CELF3: variants seen among roughly 807,000 people sequenced by gnomAD.
CELF3 encodes the protein CUGBP Elav-like family member 3, also known as CAG repeat domain.
A neutral mutation model predicts 59.6 loss-of-function variants in CELF3; 26 were observed. The ratio of observed to expected loss-of-function variants is 0.44; its 90% CI spans 0.32 to 0.61. The LOEUF (loss-of-function observed/expected upper bound fraction) is 0.61, where lower values mean the gene tolerates loss of function less well. Among genes scored for constraint, CELF3 ranks in the 20% least tolerant of loss-of-function variants. The pLI is 0.06. For missense variants in CELF3, 387 were observed against 627.2 expected (o/e 0.62, Z 4.09); for synonymous variants, 245 against 250.7 (o/e 0.98, Z 0.22).
At chr1:151,704,206 A>C (rs559391053) in intron 12 of CELF3, among the ~76,000 whole-genome samples, 3 of 151,848 alleles carry the variant, frequency 2.0e-5, no homozygotes, top group Admixed American at 1.3e-4. Context: ...GGGGGCCCCC[A>C]GGGTTGGGGG....
chr1:151,707,679 G>GC (rs1558102343), intron 6 of CELF3, 31 bp from the exon 7 acceptor site: 1 of 1,598,082 alleles, frequency 6.3e-7, no homozygotes, highest in South Asian at 1.1e-5. Flanking sequence ...AGTGGGGCAG[G>GC]CCCCCTGTGC....
At chr1:151,706,550 C>G (rs1244688116) in intron 9 of CELF3, 119 bp downstream of exon 9, 6 of 1,275,182 alleles carry the variant, frequency 4.7e-6, no homozygotes, top group Non-Finnish European at 6.7e-6. Flanking sequence ...TTGGGCTTGT[C>G]AGTAAAGCCT....
intron 9 of CELF3, 74 bp downstream of exon 9, chr1:151,706,595 G>T: frequency 6.8e-7 from 1 of 1,461,710 alleles, no homozygotes; most frequent in African/African-American, 1.4e-5. Flanking sequence ...AAGAAGCCCA[G>T]ACCCAGTTAC....
intron 2 of CELF3, 42 bp downstream of exon 2, chr1:151,714,551 TG>T: frequency 6.9e-7 from 1 of 1,443,896 alleles, no homozygotes; most frequent in Non-Finnish European, 9.5e-7. Context: ...GCCACTTCTA[TG>T]GCCCTTCTCA....
rs1672192982 is a variant in CELF3, at chr1:151,702,985, G to A, written c.*474C>T. On this transcript the variant is annotated 3_prime_UTR_variant, in exon 13 of 13. Coordinates refer to ENST00000290583, the MANE Select transcript of CELF3 (RefSeq NM_007185.7). ...GGATATCCTACCTCTAGCTGAGGGTGGAGGGGAGTGAGAGCCAGCTTCCAA... is the reference window on the plus strand; with the variant it reads ...GGATATCCTACCTCTAGCTGAGGGTAGAGGGGAGTGAGAGCCAGCTTCCAA... 1 of 352,828 alleles carries A rather than the reference G, an allele frequency of 2.8e-6. No homozygotes were observed. Among genetic ancestry groups the A allele is most frequent in the African/African-American group, 2.1e-5 (1 of 46,674 alleles). 21.9% of individuals were successfully genotyped at this position (352,828 alleles called of 1,614,324 possible).
chr1:151,713,355 G>T (rs1237254230), intron 2 of CELF3: 3 of 152,252 alleles, frequency 2.0e-5, no homozygotes, highest in Admixed American at 2.0e-4. Context: ...GACACCTGCA[G>T]CTGGTACACA....
At position 151,715,915 on chromosome 1, in the gene CELF3, G is replaced by A. The variant is rs756330362; in HGVS notation, c.106C>T (p.Leu36=). ...IFEQFGRIFE[L]TVIKDKYTGL... is the part of the protein sequence containing the mutation. The stretch of plus-strand genomic sequence containing the variant: ...GTGTACTTGTCCTTGATGACAGTCA[G>A]CTCAAAGATCCGACCAAACTGTTCG... The change falls in exon 1 of 13, where the codon CTG becomes TTG. Residue 36 remains leucine, a synonymous_variant. Coordinates refer to ENST00000290583, the MANE Select transcript of CELF3 (RefSeq NM_007185.7). 6.2e-7 allele frequency: 1 copy of A among 1,614,108 alleles called. No homozygotes were observed. Among genetic ancestry groups the A allele is most frequent in the Non-Finnish European group, 8.5e-7 (1 of 1,180,010 alleles).
At chr1:151,712,274 C>T (rs1052487261) in intron 2 of CELF3, among the ~76,000 whole-genome samples, 3 of 152,190 alleles carry the variant, frequency 2.0e-5, no homozygotes, top group African/African-American at 7.2e-5. Flanking sequence ...CCAGTATAGC[C>T]GAGCCCCTCC....
At position 151,716,032 on chromosome 1, in the gene CELF3, A is replaced by G. The variant is rs1339108286; in HGVS notation, c.-12T>C. The G allele has an allele frequency of 1.2e-6, 2 of 1,606,754 alleles. No homozygotes were observed. The highest frequency in any genetic ancestry group is 3.4e-5 in the Admixed American group (2 of 59,538). On this transcript the variant is annotated 5_prime_UTR_variant, in exon 1 of 13. Coordinates refer to ENST00000290583, the MANE Select transcript of CELF3 (RefSeq NM_007185.7). ...TCCGGCTCCTTCATTGAGGCGGCCC[A>G]GGAGGAGGGGCCGAGGGGAGCAGGG...
chr1:151,709,097 G>T lies in CELF3; in HGVS notation c.407-20C>A, dbSNP rs748558150. ...CGCAGCCTGGAGAGGTTGAGATGGAGGAGGAGAGGGGTAAGCACCCATCCC... is the reference window on the plus strand; with the variant it reads ...CGCAGCCTGGAGAGGTTGAGATGGATGAGGAGAGGGGTAAGCACCCATCCC... On this transcript the variant is annotated intron_variant, in intron 4 of 12. Coordinates refer to ENST00000290583, the MANE Select transcript of CELF3 (RefSeq NM_007185.7). The surrounding 1 kb of genome is among the most constrained non-coding windows in gnomAD (Gnocchi z 4.9). The T allele has an allele frequency of 6.2e-7, 1 of 1,612,846 alleles. No homozygotes were observed. Among genetic ancestry groups the T allele is most frequent in the East Asian group, 2.2e-5 (1 of 44,824 alleles).
Position 151,705,059 on chromosome 1 carries a change from A to G in CELF3, c.1380T>C (p.Asp460=). 3 of 1,613,454 alleles carry G rather than the reference A, an allele frequency of 1.9e-6. No individual in the cohort carries two copies. Among genetic ancestry groups the G allele is most frequent in the African/African-American group, 1.3e-5 (1 of 75,056 alleles). The part of the protein sequence containing the change: ...RLKVQLKRPK[D]ANRPY ...GGGGCCCTCAGTAGGGCCGGTTGGCATCCTTAGGCCGCTTTAGCTGGACTT... is the reference window on the plus strand; with the variant it reads ...GGGGCCCTCAGTAGGGCCGGTTGGCGTCCTTAGGCCGCTTTAGCTGGACTT... Residue 460 remains aspartate, a synonymous_variant, in exon 12 of 13, where the codon GAT becomes GAC. Coordinates refer to ENST00000290583, the MANE Select transcript of CELF3 (RefSeq NM_007185.7). The surrounding 1 kb of genome is among the most constrained non-coding windows in gnomAD (Gnocchi z 5.1).
In CELF3 at chr1:151,700,132, G is replaced by A. The variant is rs1671974077; in HGVS notation, c.*3327C>T. The stretch of plus-strand genomic sequence containing the variant: ...GGGTGGGGAGATTGTTTGAGATACT[G>A]CAACAGACACAAAAGCAAAGAAAGA... On this transcript the variant is annotated 3_prime_UTR_variant, in exon 13 of 13. Transcript: ENST00000290583. 6.6e-6 allele frequency among the ~76,000 whole-genome samples: 1 copy of A among 152,118 alleles called. No individual in the cohort carries two copies. Among genetic ancestry groups the A allele is most frequent in the South Asian group, 2.1e-4 (1 of 4,820 alleles).
At chr1:151,713,910 AG>A in intron 2 of CELF3, among the ~76,000 whole-genome samples, 2 of 152,202 alleles carry the variant, frequency 1.3e-5, no homozygotes, top group Non-Finnish European at 2.9e-5. Flanking sequence ...CTTGCAGGAG[AG>A]GGGCCACCTC....
chr1:151,715,522 GCACACA>G (rs141638568), intron 1 of CELF3: 2 of 804,052 alleles, frequency 2.5e-6, no homozygotes, highest in African/African-American at 1.8e-5. Flanking sequence ...TGCTGCACAC[GCACACA>G]CACACACACC....
At chr1:151,710,560 C>A (rs1180691840) in intron 2 of CELF3, 1 of 422,676 alleles carries the variant, frequency 2.4e-6, no homozygotes, top group South Asian at 1.7e-5. Context: ...CTTCCTGATT[C>A]TGGAGGGAGG....
At chr1:151,715,023 C>T (rs371432136) in intron 1 of CELF3, among the ~76,000 whole-genome samples, 10 of 152,048 alleles carry the variant, frequency 6.6e-5, no homozygotes, top group East Asian at 1.9e-4. Flanking sequence ...CCCTCACCTC[C>T]ACCTCCCTCC....
Position 151,709,810 on chromosome 1 carries a change from G to T in CELF3, c.229-19C>A. On this transcript the variant is annotated intron_variant, in intron 2 of 12. Transcript: ENST00000290583. This position sits in a 1 kb window ranked among gnomAD's most constrained non-coding sequence, Gnocchi z 4.9. ...TGTTCATCTGAAGGAGAGAAGAGAA[G>T]GCAGCTGCTGGGGACCTCCTCTGAA... The T allele has an allele frequency of 6.2e-7, 1 of 1,613,910 alleles. No individual in the cohort carries two copies. Among genetic ancestry groups the T allele is most frequent in the Non-Finnish European group, 8.5e-7 (1 of 1,179,770 alleles).
chr1:151,712,783 G>T (rs2101475027), intron 2 of CELF3, among the ~76,000 whole-genome samples: 1 of 152,322 alleles, frequency 6.6e-6, no homozygotes, highest in African/African-American at 2.4e-5. Context: ...GAGATGGGGA[G>T]CAAGGAGAGG....
At chr1:151,712,206 C>T (rs1673081784) in intron 2 of CELF3, among the ~76,000 whole-genome samples, 2 of 152,296 alleles carry the variant, frequency 1.3e-5, no homozygotes, top group South Asian at 4.1e-4. Context: ...TACTACCCAC[C>T]AGGTGACAAG....
Sources: gnomAD v4.1 joint callset for allele counts (sites outside exome capture counted in the v4.1 genomes callset) on GRCh38, gnomAD v4.1.1 for gene constraint, Gnocchi (gnomAD v3.1) non-coding constraint, MANE v1.5 for transcripts, NCBI Gene and HGNC (gene_info 2026-07-23, HGNC 2026-07-21) for gene names.